The following JMJD1C variants were observed in gnomAD, a reference collection of about 807,000 sequenced individuals.
JMJD1C encodes jumonji domain containing 1C, also known as jumonji domain-containing protein 1C.
In JMJD1C, 31 loss-of-function variants were observed where a neutral mutation model predicts 245.3. The observed-to-expected ratio is 0.13, with a 90% CI of 0.09 to 0.17. The LOEUF (loss-of-function observed/expected upper bound fraction) is 0.17. Among genes scored for constraint, JMJD1C ranks in the 10% least tolerant of loss-of-function variants. The pLI is 1.00. For missense variants in JMJD1C, 2,691 were observed against 3,000.2 expected, an observed-to-expected ratio of 0.90 and a Z score of 2.41; for synonymous variants, 1,057 against 1,017.4, an observed-to-expected ratio of 1.04 and a Z score of -0.74.
chr10:63,417,827 C>T (rs913842700), intron 1 of JMJD1C, among the ~76,000 whole-genome samples: 1 of 152,144 alleles, frequency 6.6e-6, no homozygotes, highest in Non-Finnish European at 1.5e-5. Flanking sequence ...CACTGCAAGG[C>T]AACTGGAATA....
chr10:63,498,059 G>A (rs1954417137), intron 1 of JMJD1C, among the ~76,000 whole-genome samples: 1 of 152,076 alleles, frequency 6.6e-6, no homozygotes, highest in South Asian at 2.1e-4. Flanking sequence ...AGAGTGATAC[G>A]GTCTCTGTAA....
At chr10:63,451,252 G>A (rs1952052022) in intron 1 of JMJD1C, among the ~76,000 whole-genome samples, 1 of 152,142 alleles carries the variant, frequency 6.6e-6, no homozygotes, top group South Asian at 2.1e-4. Context: ...ATATCCCCAT[G>A]TTTTCTACAG....
At chr10:63,386,334 C>G (rs1175627551) in intron 1 of JMJD1C, among the ~76,000 whole-genome samples, 1 of 152,160 alleles carries the variant, frequency 6.6e-6, no homozygotes, top group Non-Finnish European at 1.5e-5. Flanking sequence ...TACAGCTGCT[C>G]CAACAGAAAG....
intron 2 of JMJD1C, among the ~76,000 whole-genome samples, chr10:63,296,104 C>G (rs1859409125): frequency 6.6e-6 from 1 of 151,064 alleles, no homozygotes; most frequent in Non-Finnish European, 1.5e-5. Flanking sequence ...CTCCGCCTCC[C>G]AGGTTCAAAT....
At chr10:63,212,523 G>T (rs904585401) in intron 8 of JMJD1C, among the ~76,000 whole-genome samples, 11 of 152,028 alleles carry the variant, frequency 7.2e-5, no homozygotes, top group African/African-American at 2.7e-4. Flanking sequence ...AAACTACATG[G>T]CTCATGAATG....
At chr10:63,201,259 T>C (rs1845971616) in intron 10 of JMJD1C, among the ~76,000 whole-genome samples, 1 of 152,168 alleles carries the variant, frequency 6.6e-6, no homozygotes, top group African/African-American at 2.4e-5. Flanking sequence ...CCTAACATCT[T>C]TCCTTTATTA....
At position 63,248,541 on chromosome 10, in the gene JMJD1C, A is replaced by G. The variant is rs1420639882; in HGVS notation, c.447+16110T>C. ...ATCTCAATAGATAGATAAATAAATA[A>G]ATAAATAAATAAATAAATAAATAAA... On this transcript the variant is annotated intron_variant, in intron 3 of 25. Coordinates refer to ENST00000399262, the MANE Select transcript of JMJD1C (RefSeq NM_032776.3). 1.9e-4 allele frequency among the ~76,000 whole-genome samples: 27 copies of G among 142,266 alleles called. 1 individual carries two copies. The highest frequency in any genetic ancestry group is 3.5e-3 in the Middle Eastern group (1 of 282). 93.3% of individuals were successfully genotyped at this position (142,266 alleles called of 152,430 possible). A position where few individuals can be genotyped will look rare whatever the true frequency, so the allele number is the denominator to read the frequency against.
At chr10:63,408,416 G>A (rs897283430) in intron 1 of JMJD1C, among the ~76,000 whole-genome samples, 2 of 151,306 alleles carry the variant, frequency 1.3e-5, no homozygotes, top group Non-Finnish European at 2.9e-5. Context: ...AAAAAAAACA[G>A]ATAAAAATCA....
At chr10:63,495,958 A>G (rs1457957982) in intron 1 of JMJD1C, among the ~76,000 whole-genome samples, 1 of 151,732 alleles carries the variant, frequency 6.6e-6, no homozygotes, top group African/African-American at 2.4e-5. Flanking sequence ...GATCTAAGCA[A>G]TGACCACCAA....
At chr10:63,239,720 T>C (rs1320214996) in intron 3 of JMJD1C, among the ~76,000 whole-genome samples, 3 of 152,142 alleles carry the variant, frequency 2.0e-5, no homozygotes, top group African/African-American at 4.8e-5. Context: ...GCTGGGATTA[T>C]AGGCGTGAGC....
At chr10:63,392,867 A>ACAC (rs1554918146) in intron 1 of JMJD1C, among the ~76,000 whole-genome samples, 4 of 112,282 alleles carry the variant, frequency 3.6e-5, no homozygotes, top group Non-Finnish European at 5.2e-5. Flanking sequence ...AAAGTACATA[A>ACAC]ACACACACAC....
intron 2 of JMJD1C, among the ~76,000 whole-genome samples, chr10:63,323,040 T>C (rs369026568): frequency 1.3e-5 from 2 of 151,766 alleles, no homozygotes; most frequent in South Asian, 2.1e-4. Context: ...TTAGATAATG[T>C]TGAACAAAAA....
At chr10:63,506,823 C>T (rs1954733216) in intron 1 of JMJD1C, among the ~76,000 whole-genome samples, 1 of 152,156 alleles carries the variant, frequency 6.6e-6, no homozygotes, top group Non-Finnish European at 1.5e-5. Context: ...TGATGTTGTG[C>T]ATTCTACCAT....
chr10:63,271,353 T>C (rs563228043), intron 2 of JMJD1C, among the ~76,000 whole-genome samples: 7 of 151,468 alleles, frequency 4.6e-5, no homozygotes, highest in Non-Finnish European at 1.0e-4. Flanking sequence ...ATTTTTGTAT[T>C]TTCAGTAGAG....
chr10:63,280,749 C>T (rs1857286716), intron 2 of JMJD1C, among the ~76,000 whole-genome samples: 1 of 152,142 alleles, frequency 6.6e-6, no homozygotes, highest in East Asian at 1.9e-4. Context: ...ATAAACACTG[C>T]TACCACTTGT....
chr10:63,252,674 T>C (rs1181669034), intron 3 of JMJD1C, among the ~76,000 whole-genome samples: 1 of 152,158 alleles, frequency 6.6e-6, no homozygotes, highest in African/African-American at 2.4e-5. Context: ...AGAACCCTAA[T>C]ACAGCACTCT....
intron 2 of JMJD1C, among the ~76,000 whole-genome samples, chr10:63,338,037 C>T (rs1426576932): frequency 1.3e-5 from 2 of 152,332 alleles, no homozygotes; most frequent in East Asian, 3.9e-4. Flanking sequence ...CAGCTGACCA[C>T]TAACCCAAGT....
intron 2 of JMJD1C, chr10:63,359,183 G>A (rs561490873): frequency 9.2e-5 from 14 of 152,390 alleles, no homozygotes; most frequent in African/African-American, 2.9e-4. Flanking sequence ...TCATCTTAGA[G>A]ATTGCTATTA....
intron 1 of JMJD1C, among the ~76,000 whole-genome samples, chr10:63,501,052 TAA>T (rs1686332267): frequency 6.6e-6 from 1 of 152,048 alleles, no homozygotes; most frequent in African/African-American, 2.4e-5. Context: ...CACGAAGACA[TAA>T]AAACTGAGTA....
Sources: gnomAD v4.1 joint callset for allele counts (sites outside exome capture counted in the v4.1 genomes callset) on GRCh38, gnomAD v4.1.1 for gene constraint, MANE v1.5 for transcripts, NCBI Gene and HGNC (gene_info 2026-07-23, HGNC 2026-07-21) for gene names.